VOPP1: variants seen among roughly 807,000 people sequenced by gnomAD.
VOPP1 encodes VOPP1 WW domain binding protein.
In VOPP1, 8 loss-of-function variants were observed where a neutral mutation model predicts 23.5. The ratio of observed to expected loss-of-function variants is 0.34; its 90% confidence interval spans 0.20 to 0.61. The LOEUF is 0.61. Among genes scored for constraint, VOPP1 ranks in the 20% least tolerant of loss-of-function variants. VOPP1 has a pLI of 0.78. For synonymous variants in VOPP1, 83 were observed against 97.3 expected (o/e 0.85, Z 0.86); for missense variants, 174 against 238.1 (o/e 0.73, Z 1.77).
At chr7:55,565,353 G>A (rs1798129807) in intron 1 of VOPP1, among the ~76,000 whole-genome samples, 1 of 152,054 alleles carries the variant, frequency 6.6e-6, no homozygotes, top group Non-Finnish European at 1.5e-5. Context: ...ATTAAACTCT[G>A]ACTTTTTAAA....
At chr7:55,555,366 T>C (rs761670957) in intron 1 of VOPP1, among the ~76,000 whole-genome samples, 23 of 152,168 alleles carry the variant, frequency 1.5e-4, no homozygotes, top group Admixed American at 3.3e-4. Flanking sequence ...TTTCCGCACA[T>C]GTGAAAGCTG....
At chr7:55,507,044 A>G (rs1386482176) in intron 2 of VOPP1, among the ~76,000 whole-genome samples, 1 of 152,152 alleles carries the variant, frequency 6.6e-6, no homozygotes, top group East Asian at 1.9e-4. Flanking sequence ...TAGGAATCCA[A>G]CCTACCCCAG....
intron 3 of VOPP1, among the ~76,000 whole-genome samples, chr7:55,495,973 G>C (rs192836843): frequency 8.7e-4 from 132 of 152,322 alleles, no homozygotes; most frequent in Non-Finnish European, 1.5e-3. Context: ...GTCGTCGTGT[G>C]CTGCCTCGCC....
At chr7:55,563,742 T>G (rs1286022624) in intron 1 of VOPP1, among the ~76,000 whole-genome samples, 6 of 152,234 alleles carry the variant, frequency 3.9e-5, no homozygotes, top group Admixed American at 3.9e-4. Flanking sequence ...TGTGAAATTT[T>G]CCACCTGTAA....
chr7:55,512,569 A>C (rs1278034294), intron 2 of VOPP1, among the ~76,000 whole-genome samples: 1 of 152,230 alleles, frequency 6.6e-6, no homozygotes, highest in East Asian at 1.9e-4. Flanking sequence ...TAAATCCAAC[A>C]AGAACTGAGA....
chr7:55,495,679 C>T (rs958446415), intron 3 of VOPP1, among the ~76,000 whole-genome samples: 2 of 152,216 alleles, frequency 1.3e-5, no homozygotes, highest in Middle Eastern at 3.2e-3. Flanking sequence ...TGCCTAAAGC[C>T]TCTCCATAAA....
rs532632397 is a variant in VOPP1 at position 55,471,582 on chromosome 7, G to A, written c.*1273C>T. 6.0e-5 allele frequency: 9 copies of A among 151,004 alleles called. No homozygotes were observed. The highest frequency in any genetic ancestry group is 4.6e-4 in the Admixed American group (7 of 15,204). 9.4% of individuals were successfully genotyped at this position (151,004 alleles called of 1,614,324 possible). A position where few individuals can be genotyped will look rare whatever the true frequency, so the allele number is the denominator to read the frequency against. On this transcript the variant is annotated 3_prime_UTR_variant, in exon 5 of 5. Coordinates refer to ENST00000285279, the MANE Select transcript of VOPP1 (RefSeq NM_030796.5). ...CTCTTAGCACACAGGACAGGTCAGCGTTCACACATCAACACTATAACTATG... is the reference window on the plus strand; with the variant it reads ...CTCTTAGCACACAGGACAGGTCAGCATTCACACATCAACACTATAACTATG...
chr7:55,473,342 G>A (rs1311991879), intron 4 of VOPP1, among the ~76,000 whole-genome samples: 3 of 152,228 alleles, frequency 2.0e-5, no homozygotes, highest in African/African-American at 4.8e-5. Context: ...GTGAACTATC[G>A]GAAGAGCTGC....
intron 4 of VOPP1, among the ~76,000 whole-genome samples, chr7:55,456,840 C>T (rs545983571): frequency 6.6e-6 from 1 of 152,212 alleles, no homozygotes; most frequent in African/African-American, 2.4e-5. Context: ...AGGAGAAACA[C>T]CTAATGTAGA....
At chr7:55,473,733 C>T (rs1792019467) in intron 4 of VOPP1, among the ~76,000 whole-genome samples, 1 of 152,192 alleles carries the variant, frequency 6.6e-6, no homozygotes, top group Non-Finnish European at 1.5e-5. Flanking sequence ...CAGATTAACA[C>T]TATAGAATTA....
At chr7:55,520,345 G>A (rs1220745717) in intron 2 of VOPP1, among the ~76,000 whole-genome samples, 6 of 152,120 alleles carry the variant, frequency 3.9e-5, no homozygotes, top group African/African-American at 1.4e-4. Flanking sequence ...TTTGGTTAGG[G>A]CATTCGACTC....
intron 4 of VOPP1, among the ~76,000 whole-genome samples, chr7:55,442,726 C>T (rs968602011): frequency 6.6e-6 from 1 of 151,466 alleles, no homozygotes; most frequent in Admixed American, 6.6e-5. Context: ...TGGCAGAGGG[C>T]AGAGGAACAT....
At chr7:55,520,071 T>G (rs754187493) in intron 2 of VOPP1, among the ~76,000 whole-genome samples, 7 of 152,146 alleles carry the variant, frequency 4.6e-5, no homozygotes, top group Non-Finnish European at 8.8e-5. Flanking sequence ...GGGACTGCAG[T>G]GAGCCGAGAT....
At position 55,565,003 on chromosome 7, in the gene VOPP1, G is replaced by A. The variant is rs76810839; in HGVS notation, c.54+7268C>T. On this transcript the variant is annotated intron_variant, in intron 1 of 4. Coordinates refer to ENST00000285279, the MANE Select transcript of VOPP1 (RefSeq NM_030796.5). ...TGATCGATTTCAAACCTAATTTACC[G>A]GATAATATCTCTTTGTTCTGGTCTG... 2.9e-3 allele frequency among the ~76,000 whole-genome samples: 436 copies of A among 152,178 alleles called. 4 individuals are homozygous for A. Among genetic ancestry groups the A allele is most frequent in the African/African-American group, 0.01 (418 of 41,502 alleles).
rs182869882 is a variant in VOPP1, at chr7:55,511,290, G to A, written c.113+9782C>T. On this transcript the variant is annotated intron_variant, in intron 2 of 4. Transcript: ENST00000285279. ...ATGATGACCCTCAGGGAGAGCAGTC[G>A]GACGGTATTTAGTAGAATATAAGTA... Among the ~76,000 whole-genome samples the A allele has an allele frequency of 1.1e-3, 164 of 152,232 alleles. 2 individuals carry two copies. Among genetic ancestry groups the A allele is most frequent in the Non-Finnish European group, 1.2e-3 (81 of 68,030 alleles).
chr7:55,468,233 T>C (rs1252405653), downstream of VOPP1, among the ~76,000 whole-genome samples: 4 of 138,714 alleles, frequency 2.9e-5, no homozygotes, highest in African/African-American at 1.1e-4. Flanking sequence ...ATTGCACCAC[T>C]GCACTCCAGC....
chr7:55,484,106 A>G (rs1280449642), intron 4 of VOPP1, among the ~76,000 whole-genome samples: 14 of 152,168 alleles, frequency 9.2e-5, no homozygotes, highest in Admixed American at 9.2e-4. Context: ...CTTCACTGCC[A>G]TAATATAGAC....
chr7:55,534,548 T>A (rs1796673223), intron 1 of VOPP1, among the ~76,000 whole-genome samples: 1 of 152,222 alleles, frequency 6.6e-6, no homozygotes, highest in African/African-American at 2.4e-5. Flanking sequence ...GAGCTCGCTC[T>A]GCAATTTCCC....
intron 4 of VOPP1, among the ~76,000 whole-genome samples, chr7:55,487,621 C>A (rs188956440): frequency 1.1e-4 from 17 of 152,336 alleles, no homozygotes; most frequent in Admixed American, 3.9e-4. Flanking sequence ...CTGGGCCTGG[C>A]TAGCCTCATG....
Sources: gnomAD v4.1 joint callset for allele counts (sites outside exome capture counted in the v4.1 genomes callset) on GRCh38, gnomAD v4.1.1 for gene constraint, MANE v1.5 for transcripts, NCBI Gene and HGNC (gene_info 2026-07-23, HGNC 2026-07-21) for gene names.